Variants in PTPN14 observed in about 807,000 individuals in gnomAD.
The protein encoded by PTPN14 is tyrosine-protein phosphatase non-receptor type 14.
Under a neutral mutation model 126.8 loss-of-function variants are expected in PTPN14, and 53 were observed. The observed-to-expected ratio is 0.42, with a 90% CI of 0.34 to 0.53. The LOEUF (loss-of-function observed/expected upper bound fraction) is 0.53. PTPN14 is among the 20% of genes least tolerant of loss of function. The pLI, the probability that PTPN14 is intolerant of heterozygous loss-of-function variation, is 0.08. For missense variants in PTPN14, 1,257 were observed against 1,552.9 expected (o/e 0.81, Z 3.20); for synonymous variants, 630 against 599.3 (o/e 1.05, Z -0.75).
intron 1 of PTPN14, among the ~76,000 whole-genome samples, chr1:214,525,244 C>T (rs769196693): frequency 3.3e-4 from 50 of 152,302 alleles, no homozygotes; most frequent in Admixed American, 7.2e-4. Flanking sequence ...AGCAAAACTT[C>T]GGCTAAATTC....
At chr1:214,519,179 G>C (rs28523586) in intron 1 of PTPN14, among the ~76,000 whole-genome samples, 39,290 of 152,030 alleles carry the variant, frequency 0.26, 5,915 homozygotes, top group East Asian at 0.52. Flanking sequence ...TGAGGGAGGA[G>C]AATTGCTTGA....
chr1:214,549,598 A>T (rs1377942070), intron 1 of PTPN14, among the ~76,000 whole-genome samples: 1 of 152,242 alleles, frequency 6.6e-6, no homozygotes, highest in African/African-American at 2.4e-5. Context: ...CTAACTTTAT[A>T]ATACAAGGTC....
chr1:214,394,730 C>G lies in PTPN14; in HGVS notation c.846+169G>C, dbSNP rs184690119. Among the ~76,000 whole-genome samples, 487 of 152,282 alleles carry G rather than the reference C, an allele frequency of 3.2e-3. 1 individual carries two copies. The highest frequency in any genetic ancestry group is 5.3e-3 in the Non-Finnish European group (361 of 68,032). On this transcript the variant is annotated intron_variant, in intron 9 of 18. Coordinates refer to ENST00000366956, the MANE Select transcript of PTPN14 (RefSeq NM_005401.5). ...TATTTTAAACATGGGTATTTCATCACCACTATCCTGGAATGAGTAATGACA... is the reference window on the plus strand; with the variant it reads ...TATTTTAAACATGGGTATTTCATCAGCACTATCCTGGAATGAGTAATGACA...
chr1:214,514,942 T>C (rs1196656467), intron 1 of PTPN14, among the ~76,000 whole-genome samples: 1 of 152,192 alleles, frequency 6.6e-6, no homozygotes, highest in African/African-American at 2.4e-5. Context: ...AGAACTTTGT[T>C]CGGTCGCCTG....
intron 1 of PTPN14, among the ~76,000 whole-genome samples, chr1:214,506,635 C>T (rs889429716): frequency 1.3e-5 from 2 of 152,118 alleles, no homozygotes; most frequent in African/African-American, 2.4e-5. Flanking sequence ...AAAAGTGAAA[C>T]TGTATCTTCG....
At chr1:214,397,614 T>G (rs1658915819) in intron 8 of PTPN14, among the ~76,000 whole-genome samples, 1 of 152,174 alleles carries the variant, frequency 6.6e-6, no homozygotes, top group Admixed American at 6.5e-5. Flanking sequence ...AAAGAAGTGT[T>G]TAGAGTTAAT....
In PTPN14 at chr1:214,504,279, T is replaced by C. The variant is rs367891327; in HGVS notation, c.-154-39322A>G. On this transcript the variant is annotated intron_variant, in intron 1 of 18. Transcript: ENST00000366956. The stretch of plus-strand genomic sequence containing the variant: ...CACAGTCAATCACCACATAGCCAGA[T>C]AGGAAACCTTTTAGCCATGGTTGCA... 3.3e-5 allele frequency among the ~76,000 whole-genome samples: 5 copies of C among 152,064 alleles called. No individual in the cohort carries two copies. The East Asian group carries it at 5.8e-4, about 18-fold the overall frequency.
Position 214,396,063 on chromosome 1 carries a change from C to T in PTPN14, c.759-1077G>A, listed in dbSNP as rs183762290. On this transcript the variant is annotated intron_variant, in intron 8 of 18. Transcript: ENST00000366956. ...CCCGGTGCAGGGATTCTGCCTTCTT[C>T]GTTTCTGTGTTCCAAGCACTGAATC... 1.7e-3 allele frequency among the ~76,000 whole-genome samples: 262 copies of T among 152,182 alleles called. 1 individual carries two copies. The highest frequency in any genetic ancestry group is 6.0e-3 in the African/African-American group (250 of 41,516).
rs1336047522 is a variant in PTPN14, at chr1:214,392,434, T to C, written c.929+1261A>G. On this transcript the variant is annotated intron_variant, in intron 10 of 18. Transcript: ENST00000366956. ...CTCCGTAAATTTTATAGTAAAACCATCTGCTGAGCTGTGGTTAAATCAGAA... is the reference window on the plus strand; with the variant it reads ...CTCCGTAAATTTTATAGTAAAACCACCTGCTGAGCTGTGGTTAAATCAGAA... Among the ~76,000 whole-genome samples, 9 of 152,328 alleles carry C rather than the reference T, an allele frequency of 5.9e-5. No individual in the cohort carries two copies. The East Asian group carries it at 1.3e-3, about 23-fold the overall frequency.
intron 7 of PTPN14, among the ~76,000 whole-genome samples, chr1:214,398,356 G>A (rs906532742): frequency 6.6e-6 from 1 of 152,184 alleles, no homozygotes; most frequent in African/African-American, 2.4e-5. Flanking sequence ...GGGAGATGAT[G>A]GTCAAAGGAA....
chr1:214,395,066 C>T (rs1658847285), intron 8 of PTPN14, 80 bp from the exon 9 acceptor site: 3 of 1,160,334 alleles, frequency 2.6e-6, no homozygotes, highest in South Asian at 1.3e-5. Flanking sequence ...CTGTTTGCTG[C>T]TATCAAGTCT....
At position 214,364,430 on chromosome 1, in the gene PTPN14, C is replaced by T. The variant is rs527780303; in HGVS notation, c.3435+82G>A. The T allele has an allele frequency of 2.0e-6, 3 of 1,495,286 alleles. No homozygotes were observed. Among genetic ancestry groups the T allele is most frequent in the African/African-American group, 2.8e-5 (2 of 71,774 alleles). The allele number at this position is 1,495,286 out of a possible 1,614,324, so 92.6% of individuals were successfully genotyped here. On this transcript the variant is annotated intron_variant, in intron 18 of 18. Transcript: ENST00000366956. This position sits in a 1 kb window ranked among gnomAD's most constrained non-coding sequence, Gnocchi z 4.1. ...GACAGGAAATTAACCACTGAAAATG[C>T]AAGGGTGCAGGCAAAGGTTTGGCCA...
chr1:214,365,070 C>G (rs1658049443), intron 17 of PTPN14, among the ~76,000 whole-genome samples: 1 of 152,038 alleles, frequency 6.6e-6, no homozygotes, highest in Non-Finnish European at 1.5e-5. Flanking sequence ...CTGCTAAGTC[C>G]CCTTGAAACG....
At chr1:214,450,133 A>AAAATAAATAAAT (rs57585964) in intron 3 of PTPN14, among the ~76,000 whole-genome samples, 32,390 of 140,178 alleles carry the variant, frequency 0.23, 3,923 homozygotes, top group Admixed American at 0.25. Flanking sequence ...ACTCTATCTC[A>AAAATAAATAAAT]AAATAAATAA....
intron 1 of PTPN14, among the ~76,000 whole-genome samples, chr1:214,466,521 G>C (rs1468734781): frequency 1.3e-5 from 2 of 152,128 alleles, no homozygotes; most frequent in Admixed American, 1.3e-4. Flanking sequence ...TTATTGCCAT[G>C]GACAACACAA....
At chr1:214,419,492 G>A (rs1162494096) in intron 3 of PTPN14, among the ~76,000 whole-genome samples, 2 of 152,150 alleles carry the variant, frequency 1.3e-5, no homozygotes, top group African/African-American at 4.8e-5. Flanking sequence ...TCACTGTTAT[G>A]AAGAGCAGGG....
At chr1:214,453,277 T>C (rs1351340711) in intron 2 of PTPN14, among the ~76,000 whole-genome samples, 7 of 152,266 alleles carry the variant, frequency 4.6e-5, no homozygotes, top group Admixed American at 4.6e-4. Context: ...ATTCTGACCC[T>C]ATTATTCATT....
Position 214,376,310 on chromosome 1 carries a change from A to G in PTPN14, c.2816T>C (p.Ile939Thr). The change falls in exon 15 of 19, where the codon ATC becomes ACC. Residue 939 changes from isoleucine to threonine, a missense_variant. By Grantham distance (89) the Ile-to-Thr change is moderately conservative (BLOSUM62 -1). Around this residue, in one of 3 missense-constraint regions of PTPN14, gnomAD observed 65 missense variants for 139.7 expected, o/e 0.47. Coordinates refer to ENST00000366956, the MANE Select transcript of PTPN14 (RefSeq NM_005401.5). ...CTCCTCATAGGGGACAACTTCACGG[A>G]TTCGGCTGCGCTCGGCGTTTTCTGG... ...ALPENAERSRIREVVPYEENR... is the reference protein window; with the variant it reads ...ALPENAERSRTREVVPYEENR... 1 of 1,614,142 alleles carries G rather than the reference A, an allele frequency of 6.2e-7. No homozygotes were observed. The highest frequency in any genetic ancestry group is 8.5e-7 in the Non-Finnish European group (1 of 1,180,032).
Position 214,350,129 on chromosome 1 carries a change from A to G in PTPN14, c.*7793T>C, listed in dbSNP as rs1036903259. ...TTGGGGAAGAAAATGAAGATAGCTT[A>G]CATACAGATTTTGGATGACCCGCTA... On this transcript the variant is annotated 3_prime_UTR_variant, in exon 19 of 19. Transcript: ENST00000366956. 3 of 152,246 alleles carry G rather than the reference A, an allele frequency of 2.0e-5. No homozygotes were observed. Among genetic ancestry groups the G allele is most frequent in the Non-Finnish European group, 4.4e-5 (3 of 68,050 alleles). The allele number at this position is 152,246 out of a possible 1,614,324, so 9.4% of individuals were successfully genotyped here.
Sources: allele counts gnomAD v4.1 joint callset (sites outside exome capture counted in the v4.1 genomes callset), GRCh38; gene constraint gnomAD v4.1.1; regional missense constraint gnomAD v4.1.1; non-coding constraint Gnocchi (gnomAD v3.1); transcripts MANE v1.5; gene names NCBI Gene and HGNC (gene_info 2026-07-23, HGNC 2026-07-21).